Variants in SYNPR observed in about 807,000 individuals in gnomAD.
SYNPR encodes synaptoporin.
SYNPR carries 23 observed loss-of-function variants against 32.9 expected under a neutral mutation model. The observed-to-expected ratio is 0.70, with a 90% CI of 0.50 to 0.99. The LOEUF (loss-of-function observed/expected upper bound fraction) is 0.99, where lower values mean the gene tolerates loss of function less well. Ranked by LOEUF, SYNPR falls within the 50% of genes least tolerant of loss-of-function variation. The pLI, the probability that SYNPR is intolerant of heterozygous loss-of-function variation, is 0.00. For missense variants in SYNPR, 318 were observed against 349.3 expected, an observed-to-expected ratio of 0.91 and a Z score of 0.71; for synonymous variants, 146 against 135.9, an observed-to-expected ratio of 1.07 and a Z score of -0.52.
intron 2 of SYNPR, among the ~76,000 whole-genome samples, chr3:63,432,281 CCTTGTCT>C (rs1700009538): frequency 6.6e-6 from 1 of 152,074 alleles, no homozygotes; most frequent in South Asian, 2.1e-4. Flanking sequence ...GCATTTATGT[CCTTGTCT>C]CTCAGGAGGA....
At chr3:63,546,057 C>T (rs1167278093) in intron 3 of SYNPR, among the ~76,000 whole-genome samples, 1 of 152,122 alleles carries the variant, frequency 6.6e-6, no homozygotes, top group African/African-American at 2.4e-5. Context: ...TAGAGTACCA[C>T]AGCTCAGGGA....
chr3:63,309,476 G>T (rs986766459), intron 2 of SYNPR, among the ~76,000 whole-genome samples: 7 of 152,026 alleles, frequency 4.6e-5, no homozygotes, highest in African/African-American at 7.2e-5. Context: ...TTTATTCTGA[G>T]AATTAGTTAA....
intron 4 of SYNPR, among the ~76,000 whole-genome samples, chr3:63,608,574 T>C (rs1335587540): frequency 6.6e-6 from 1 of 152,150 alleles, no homozygotes; most frequent in African/African-American, 2.4e-5. Context: ...AGATAACACA[T>C]TGGTTTGTTA....
intron 2 of SYNPR, among the ~76,000 whole-genome samples, chr3:63,265,322 G>A (rs1396702879): frequency 1.4e-5 from 2 of 143,092 alleles, no homozygotes; most frequent in Non-Finnish European, 3.0e-5. Context: ...CACAATCTTG[G>A]CTCAATGCAA....
At chr3:63,358,391 C>G (rs2087612260) in intron 2 of SYNPR, among the ~76,000 whole-genome samples, 1 of 152,188 alleles carries the variant, frequency 6.6e-6, no homozygotes, top group Non-Finnish European at 1.5e-5. Context: ...CCAATCTCTG[C>G]TTTTGTCATC....
intron 2 of SYNPR, among the ~76,000 whole-genome samples, chr3:63,259,447 A>G (rs2086418313): frequency 6.6e-6 from 1 of 151,996 alleles, no homozygotes; most frequent in Non-Finnish European, 1.5e-5. Context: ...GTAATCCAGC[A>G]TATAAACAGA....
At chr3:63,476,959 C>T (rs1167847238) in intron 2 of SYNPR, among the ~76,000 whole-genome samples, 3 of 152,192 alleles carry the variant, frequency 2.0e-5, no homozygotes, top group East Asian at 3.9e-4. Context: ...TGTCATTAAA[C>T]ATCCAATGAT....
intron 2 of SYNPR, among the ~76,000 whole-genome samples, chr3:63,331,679 G>A (rs1244434984): frequency 6.6e-6 from 1 of 152,072 alleles, no homozygotes; most frequent in African/African-American, 2.4e-5. Flanking sequence ...TTTACAGGAT[G>A]TGAACCTGCT....
intron 1 of SYNPR, among the ~76,000 whole-genome samples, chr3:63,230,315 A>G (rs1218782478): frequency 3.9e-5 from 6 of 152,312 alleles, no homozygotes; most frequent in Non-Finnish European, 4.4e-5. Flanking sequence ...GTTTACAGAG[A>G]TTCTGAAGGA....
At chr3:63,487,802 G>C (rs1701183301) in intron 3 of SYNPR, among the ~76,000 whole-genome samples, 1 of 152,198 alleles carries the variant, frequency 6.6e-6, no homozygotes, top group Admixed American at 6.5e-5. Context: ...CATAATCCTT[G>C]GGAGGTTGGC....
intron 2 of SYNPR, among the ~76,000 whole-genome samples, chr3:63,372,309 C>T (rs1262915458): frequency 6.6e-6 from 1 of 152,068 alleles, no homozygotes; most frequent in Non-Finnish European, 1.5e-5. Flanking sequence ...GAGCCAGCAG[C>T]ACAGCCACCC....
intron 1 of SYNPR, among the ~76,000 whole-genome samples, chr3:63,240,470 A>C (rs556992907): frequency 3.3e-5 from 5 of 152,020 alleles, no homozygotes; most frequent in Admixed American, 6.6e-5. Context: ...TGCTCTTGCT[A>C]TGGGGGCCTC....
chr3:63,222,109 T>G, the SYNPR span, among the ~76,000 whole-genome samples: 6 of 147,350 alleles, frequency 4.1e-5, no homozygotes, highest in South Asian at 2.2e-4. Context: ...AGGTCCCTGA[T>G]AGTTTTGAGA....
intron 2 of SYNPR, among the ~76,000 whole-genome samples, chr3:63,371,920 G>A (rs1329340038): frequency 6.6e-6 from 1 of 152,132 alleles, no homozygotes; most frequent in African/African-American, 2.4e-5. Context: ...TGGTTGCTAT[G>A]CTGGCATTTC....
At chr3:63,549,578 G>C (rs897528922) in intron 3 of SYNPR, among the ~76,000 whole-genome samples, 2 of 152,110 alleles carry the variant, frequency 1.3e-5, no homozygotes, top group Non-Finnish European at 2.9e-5. Context: ...CATTAAATGA[G>C]ATACAAGTAG....
chr3:63,572,587 A>C (rs1365106410), intron 4 of SYNPR, among the ~76,000 whole-genome samples: 1 of 152,080 alleles, frequency 6.6e-6, no homozygotes, highest in Non-Finnish European at 1.5e-5. Flanking sequence ...ATGCTGTCTC[A>C]TCACTCTTGT....
At chr3:63,341,934 C>G (rs981820037) in intron 2 of SYNPR, among the ~76,000 whole-genome samples, 1 of 152,120 alleles carries the variant, frequency 6.6e-6, no homozygotes, top group African/African-American at 2.4e-5. Flanking sequence ...AGCCATCACC[C>G]AATCCAAGGT....
chr3:63,243,641 A>T (rs1293446845), intron 1 of SYNPR, among the ~76,000 whole-genome samples: 2 of 152,076 alleles, frequency 1.3e-5, no homozygotes, highest in Non-Finnish European at 2.9e-5. Context: ...TTCCTGACTG[A>T]TACATTTGAT....
chr3:63,245,971 T>C (rs9832827), intron 1 of SYNPR, among the ~76,000 whole-genome samples: 127,205 of 152,008 alleles, frequency 0.84, 53,861 homozygotes, highest in African/African-American at 0.91. Context: ...GTCAAAAACA[T>C]TTCATTGCTA....
Sources: allele counts gnomAD v4.1 joint callset (sites outside exome capture counted in the v4.1 genomes callset), GRCh38; gene constraint gnomAD v4.1.1; transcripts MANE v1.5; gene names NCBI Gene and HGNC (gene_info 2026-07-23, HGNC 2026-07-21).